GLB1: variants seen among roughly 807,000 people sequenced by gnomAD.
GLB1 encodes the protein beta-galactosidase.
GLB1 carries 56 observed loss-of-function variants against 74.0 expected under a neutral mutation model. The observed-to-expected ratio is 0.76, with a 90% CI of 0.61 to 0.94. The LOEUF (loss-of-function observed/expected upper bound fraction) is 0.94, where lower values mean the gene tolerates loss of function less well. GLB1 is among the 40% of genes least tolerant of loss of function. GLB1 has a pLI of 0.00. For synonymous variants in GLB1, 323 were observed against 323.6 expected (o/e 1.00, Z 0.02); for missense variants, 787 against 845.5 (o/e 0.93, Z 0.86).
At chr3:33,044,348 A>T (rs921050023) in intron 10 of GLB1, among the ~76,000 whole-genome samples, 3 of 152,180 alleles carry the variant, frequency 2.0e-5, no homozygotes, top group African/African-American at 7.2e-5. Context: ...TATGTTTAGA[A>T]GCAAACAGTA....
In GLB1 at chr3:33,093,734, G is replaced by T; in HGVS notation, c.75+3277C>A. ...CGAGCTTCCTTGTCTTCTCAAGGCT[G>T]CCCACGACCCTACCACTGCGCCAGG... On this transcript the variant is annotated intron_variant, in intron 1 of 15. Coordinates refer to ENST00000307363, the MANE Select transcript of GLB1 (RefSeq NM_000404.4). This position sits in a 1 kb window ranked among gnomAD's most constrained non-coding sequence, Gnocchi z 6.0. 6.2e-7 allele frequency: 1 copy of T among 1,613,836 alleles called. No individual in the cohort carries two copies. The highest frequency in any genetic ancestry group is 8.5e-7 in the Non-Finnish European group (1 of 1,179,892).
intron 5 of GLB1, among the ~76,000 whole-genome samples, chr3:33,059,343 G>A (rs1225498568): frequency 6.6e-6 from 1 of 151,892 alleles, no homozygotes; most frequent in African/African-American, 2.4e-5. Flanking sequence ...TCATGGTGGA[G>A]AGGAGAAGGC....
At chr3:33,091,153 A>G (rs1700742523) in intron 1 of GLB1, 2 of 985,372 alleles carry the variant, frequency 2.0e-6, no homozygotes, top group East Asian at 2.3e-4. Context: ...TCGGGACACA[A>G]GAAAAGTGAG....
intron 6 of GLB1, among the ~76,000 whole-genome samples, chr3:33,056,032 A>C (rs889815976): frequency 6.6e-6 from 1 of 150,916 alleles, no homozygotes; most frequent in Admixed American, 6.6e-5. Flanking sequence ...GTTTGAAACC[A>C]GCCGGGCCAA....
At chr3:33,018,684 C>A in intron 12 of GLB1, 123 bp from the exon 13 acceptor site, 1 of 1,042,184 alleles carries the variant, frequency 9.6e-7, no homozygotes. Flanking sequence ...TCTTCCTCCA[C>A]CTCCCGAAAA....
chr3:33,068,939 G>GC lies in GLB1; in HGVS notation c.276dup (p.Pro93AlafsTer8). The GC allele has an allele frequency of 6.2e-7, 1 of 1,614,164 alleles. No individual in the cohort carries two copies. Among genetic ancestry groups the GC allele is most frequent in the East Asian group, 2.2e-5 (1 of 44,888 alleles). On this transcript the variant is annotated frameshift_variant, in exon 3 of 16. Coordinates refer to ENST00000307363, the MANE Select transcript of GLB1 (RefSeq NM_000404.4). LOFTEE classifies it high-confidence loss of function. Reference sequence around the variant, plus strand: ...TCCTCAGAAAACTGGTACTGTCCTGGCCAGGGCTCATGAAAGTTCCAGGGC... The same window carrying GC: ...TCCTCAGAAAACTGGTACTGTCCTGGCCCAGGGCTCATGAAAGTTCCAGGGC...
the GLB1 span, among the ~76,000 whole-genome samples, chr3:32,977,380 A>T: frequency 6.6e-6 from 1 of 151,564 alleles, no homozygotes; most frequent in Non-Finnish European, 1.5e-5. Flanking sequence ...TAATTTTTGT[A>T]TTTTTAGTAG....
chr3:33,085,480 C>T (rs73043340), intron 1 of GLB1, among the ~76,000 whole-genome samples: 44,635 of 151,744 alleles, frequency 0.29, 8,259 homozygotes, highest in Middle Eastern at 0.43. Flanking sequence ...CTAGTATACA[C>T]TTATGATTTT....
intron 1 of GLB1, chr3:33,096,402 C>G: frequency 1.1e-6 from 1 of 952,366 alleles, no homozygotes; most frequent in Non-Finnish European, 1.2e-6. Flanking sequence ...GCCTATTCCC[C>G]CCCTCAACCT....
intron 1 of GLB1, chr3:33,094,168 C>G (rs1480022064): frequency 6.2e-7 from 1 of 1,608,674 alleles, no homozygotes; most frequent in South Asian, 1.1e-5. Context: ...GCCTTCGCGC[C>G]TAGGGACAGC....
At chr3:32,980,450 G>A in the GLB1 span, among the ~76,000 whole-genome samples, 1 of 152,196 alleles carries the variant, frequency 6.6e-6, no homozygotes, top group Admixed American at 6.5e-5. Context: ...TATAGTGTTA[G>A]CTGTATCTCA....
intron 2 of GLB1, among the ~76,000 whole-genome samples, chr3:33,070,348 A>C (rs1699845511): frequency 6.6e-6 from 1 of 152,112 alleles, no homozygotes; most frequent in Non-Finnish European, 1.5e-5. Flanking sequence ...ATAAATTTCT[A>C]AACTGTCTAT....
At chr3:32,994,920 CAAAAAAAAAA>C (rs56169200), downstream of GLB1, among the ~76,000 whole-genome samples, 744 of 115,770 alleles carry the variant, frequency 6.4e-3, 3 homozygotes, top group Non-Finnish European at 0.011. Context: ...GACTCTGTTT[CAAAAAAAAAA>C]AAAAAAAAAA....
At chr3:33,057,947 T>C (rs1288689286) in intron 6 of GLB1, 142 bp downstream of exon 6, 6 of 1,148,124 alleles carry the variant, frequency 5.2e-6, no homozygotes, top group Non-Finnish European at 7.5e-6. Flanking sequence ...GGTGCAAGTA[T>C]TCTATTCTAC....
chr3:32,971,538 A>G, the GLB1 span, among the ~76,000 whole-genome samples: 4 of 152,240 alleles, frequency 2.6e-5, no homozygotes, highest in Non-Finnish European at 4.4e-5. Flanking sequence ...CAAAGGAATT[A>G]ATGCCACAAG....
intron 15 of GLB1, among the ~76,000 whole-genome samples, chr3:33,004,410 G>A (rs968225686): frequency 1.3e-5 from 2 of 152,214 alleles, no homozygotes. Context: ...TGGGTGGCTC[G>A]TTATGCAGCA....
At chr3:33,091,830 T>C (rs1700776490) in intron 1 of GLB1, 1 of 985,420 alleles carries the variant, frequency 1.0e-6, no homozygotes, top group Non-Finnish European at 1.2e-6. Flanking sequence ...CCCAGCCCTG[T>C]CTTCTCAGTG....
At chr3:33,024,928 T>C (rs1165090033) in intron 10 of GLB1, among the ~76,000 whole-genome samples, 1 of 150,554 alleles carries the variant, frequency 6.6e-6, no homozygotes, top group Non-Finnish European at 1.5e-5. Flanking sequence ...TAAGTCCGGG[T>C]GGAGAATATA....
chr3:33,088,077 C>T (rs2125577504), intron 1 of GLB1, among the ~76,000 whole-genome samples: 1 of 151,764 alleles, frequency 6.6e-6, no homozygotes, highest in Middle Eastern at 3.4e-3. Context: ...TTAAAAAAAC[C>T]AACAACTCAA....
Sources: allele counts gnomAD v4.1 joint callset (sites outside exome capture counted in the v4.1 genomes callset), GRCh38; gene constraint gnomAD v4.1.1; non-coding constraint Gnocchi (gnomAD v3.1); transcripts MANE v1.5; gene names NCBI Gene and HGNC (gene_info 2026-07-23, HGNC 2026-07-21).